The following BBX variants were observed in gnomAD, a reference collection of about 807,000 sequenced individuals.
The protein encoded by BBX is BBX high mobility group box domain containing.
Under a neutral mutation model 100.2 loss-of-function variants are expected in BBX, and 30 were observed. That is an observed-to-expected ratio of 0.30 (90% CI 0.22 to 0.41). The LOEUF (loss-of-function observed/expected upper bound fraction) is 0.41, where lower values mean the gene tolerates loss of function less well. Ranked by LOEUF, BBX falls within the 10% of genes least tolerant of loss-of-function variation. The pLI is 1.00. For missense variants in BBX, 1,023 were observed against 1,129.8 expected (o/e 0.91, Z 1.35); for synonymous variants, 376 against 388.1 (o/e 0.97, Z 0.37).
chr3:107,583,720 AT>A (rs1349688540), intron 2 of BBX, among the ~76,000 whole-genome samples: 1 of 150,346 alleles, frequency 6.7e-6, no homozygotes, highest in East Asian at 2.0e-4. Flanking sequence ...GGCTTAAGAA[AT>A]GTTTATTCCA....
At chr3:107,682,550 C>T (rs1374530495) in intron 3 of BBX, among the ~76,000 whole-genome samples, 1 of 152,056 alleles carries the variant, frequency 6.6e-6, no homozygotes, top group Non-Finnish European at 1.5e-5. Context: ...TGAGATAAAA[C>T]AGTATTTCTG....
intron 3 of BBX, among the ~76,000 whole-genome samples, chr3:107,682,652 G>T (rs1015645981): frequency 6.6e-6 from 1 of 152,132 alleles, no homozygotes; most frequent in African/African-American, 2.4e-5. Context: ...TCTTAATTAA[G>T]ATATGATATG....
At chr3:107,675,602 C>G (rs2059241716) in intron 3 of BBX, among the ~76,000 whole-genome samples, 1 of 152,020 alleles carries the variant, frequency 6.6e-6, no homozygotes, top group Admixed American at 6.6e-5. Flanking sequence ...GGCAGCAGTT[C>G]CCTCATGGAC....
At chr3:107,657,585 G>T (rs1010941939) in intron 3 of BBX, among the ~76,000 whole-genome samples, 4 of 152,134 alleles carry the variant, frequency 2.6e-5, no homozygotes, top group Admixed American at 2.0e-4. Context: ...GTATTTAAAA[G>T]AAAGTCAAAG....
chr3:107,773,697 C>A lies in BBX; in HGVS notation c.1915+61C>A. ...AACCAAACAGAATTTCACCTTTAGA[C>A]CTATTGAAAACAACTGCCATAAAAA... On this transcript the variant is annotated intron_variant, in intron 11 of 17. Coordinates refer to ENST00000325805, the MANE Select transcript of BBX (RefSeq NM_001142568.3). This position sits in a 1 kb window ranked among gnomAD's most constrained non-coding sequence, Gnocchi z 4.1. 19 of 1,461,328 alleles carry A rather than the reference C, an allele frequency of 1.3e-5. No homozygotes were observed. The highest frequency in any genetic ancestry group is 1.7e-5 in the Non-Finnish European group (19 of 1,090,066). 90.5% of individuals were successfully genotyped at this position (1,461,328 alleles called of 1,614,324 possible).
chr3:107,628,557 T>A (rs959260183), intron 2 of BBX, among the ~76,000 whole-genome samples: 2 of 152,132 alleles, frequency 1.3e-5, no homozygotes, highest in African/African-American at 4.8e-5. Flanking sequence ...AGGAAACCTT[T>A]TTTTAAGGAT....
At chr3:107,801,322 C>G in intron 17 of BBX, 41 bp downstream of exon 17, 2 of 1,590,942 alleles carry the variant, frequency 1.3e-6, no homozygotes, top group South Asian at 1.1e-5. Context: ...ACATGGAAAC[C>G]AGATCAACCT....
chr3:107,786,298 G>A (rs867272813), intron 13 of BBX, among the ~76,000 whole-genome samples: 1 of 152,076 alleles, frequency 6.6e-6, no homozygotes, highest in African/African-American at 2.4e-5. Context: ...TGACTTCTTT[G>A]TAGAAATTGA....
chr3:107,692,425 T>A (rs189056054), intron 3 of BBX, among the ~76,000 whole-genome samples: 2,470 of 147,488 alleles, frequency 0.017, 67 homozygotes, highest in African/African-American at 0.058. Context: ...AATTCCCACC[T>A]ATGAGTGAGA....
At chr3:107,780,888 A>G (rs1169654227) in intron 13 of BBX, among the ~76,000 whole-genome samples, 2 of 151,992 alleles carry the variant, frequency 1.3e-5, no homozygotes, top group Non-Finnish European at 2.9e-5. Flanking sequence ...TGAATCATTC[A>G]GAGCAAACAT....
At chr3:107,727,845 G>A (rs919316385) in intron 5 of BBX, among the ~76,000 whole-genome samples, 1 of 152,048 alleles carries the variant, frequency 6.6e-6, no homozygotes, top group Admixed American at 6.6e-5. Context: ...CAAGCTTATG[G>A]GATTGAATGA....
At chr3:107,562,085 A>G (rs1477523152) in intron 2 of BBX, among the ~76,000 whole-genome samples, 1 of 152,206 alleles carries the variant, frequency 6.6e-6, no homozygotes, top group Non-Finnish European at 1.5e-5. Flanking sequence ...TTTCCTATTC[A>G]CATTTCCATG....
intron 2 of BBX, among the ~76,000 whole-genome samples, chr3:107,559,774 G>T (rs548118220): frequency 1.3e-5 from 2 of 152,100 alleles, no homozygotes; most frequent in African/African-American, 2.4e-5. Context: ...ACAGATTCTC[G>T]CTCTGTCACC....
At chr3:107,718,553 A>T (rs1435266912) in intron 5 of BBX, among the ~76,000 whole-genome samples, 2 of 152,022 alleles carry the variant, frequency 1.3e-5, no homozygotes, top group Non-Finnish European at 2.9e-5. Context: ...TCATAGGGAA[A>T]TGCATAAGCT....
chr3:107,629,201 T>C (rs1241315256), intron 2 of BBX, among the ~76,000 whole-genome samples: 2 of 152,092 alleles, frequency 1.3e-5, no homozygotes, highest in Non-Finnish European at 2.9e-5. Flanking sequence ...TAGAACCTCC[T>C]CTTCACAAAA....
At chr3:107,674,188 T>TA (rs2059165842) in intron 3 of BBX, among the ~76,000 whole-genome samples, 2 of 152,140 alleles carry the variant, frequency 1.3e-5, no homozygotes, top group Admixed American at 6.5e-5. Flanking sequence ...CATTCACATG[T>TA]AAATATCTTT....
At chr3:107,766,616 A>G (rs975931768) in intron 10 of BBX, among the ~76,000 whole-genome samples, 15 of 152,212 alleles carry the variant, frequency 9.9e-5, no homozygotes, top group African/African-American at 1.7e-4. Context: ...AGATAATTGT[A>G]TATTAAATCA....
intron 7 of BBX, among the ~76,000 whole-genome samples, chr3:107,739,147 C>A (rs1450280560): frequency 1.3e-5 from 2 of 152,118 alleles, no homozygotes; most frequent in Non-Finnish European, 2.9e-5. Flanking sequence ...ATTCTAATTT[C>A]TAACATCAAT....
chr3:107,689,284 A>G (rs968191806), intron 3 of BBX, among the ~76,000 whole-genome samples: 11 of 152,218 alleles, frequency 7.2e-5, no homozygotes, highest in Non-Finnish European at 1.5e-4. Flanking sequence ...CTGAGATTAT[A>G]GGGGAGGTTT....
Sources: gnomAD v4.1 joint callset for allele counts (sites outside exome capture counted in the v4.1 genomes callset) on GRCh38, gnomAD v4.1.1 for gene constraint, Gnocchi (gnomAD v3.1) non-coding constraint, MANE v1.5 for transcripts, NCBI Gene and HGNC (gene_info 2026-07-23, HGNC 2026-07-21) for gene names.